The following CCDC171 variants were observed in gnomAD, a reference collection of about 807,000 sequenced individuals.
The protein encoded by CCDC171 is coiled-coil domain containing 171, also known as coiled-coil domain-containing protein 171.
CCDC171 carries 177 observed loss-of-function variants against 168.2 expected under a neutral mutation model. The observed-to-expected ratio is 1.05, with a 90% confidence interval of 0.93 to 1.19. The LOEUF is 1.19. CCDC171 is among the 50% of genes most tolerant of loss of function. The probability of loss-of-function intolerance (pLI) is 0.00; values close to 1 mark genes in which losing one functional copy is unlikely to be tolerated. For synonymous variants in CCDC171, 687 were observed against 540.8 expected, an observed-to-expected ratio of 1.27 and a Z score of -3.75; for missense variants, 1,991 against 1,539.0, an observed-to-expected ratio of 1.29 and a Z score of -4.91.
chr9:15,651,274 A>C (rs1026375561), intron 7 of CCDC171, among the ~76,000 whole-genome samples: 1 of 151,832 alleles, frequency 6.6e-6, no homozygotes. Context: ...ACACCTAGCT[A>C]ATTTTTGTAT....
chr9:15,639,347 C>T (rs1227949949), intron 7 of CCDC171, among the ~76,000 whole-genome samples: 2 of 151,924 alleles, frequency 1.3e-5, no homozygotes, highest in Non-Finnish European at 2.9e-5. Context: ...ATTGGAACTT[C>T]AGTTAAAAAT....
chr9:15,614,669 T>TC (rs2043955180), intron 6 of CCDC171, among the ~76,000 whole-genome samples: 1 of 152,188 alleles, frequency 6.6e-6, no homozygotes, highest in African/African-American at 2.4e-5. Context: ...AGGTTGCCCC[T>TC]CCCCCTTTAA....
chr9:15,881,829 G>A (rs1291613820), intron 24 of CCDC171, among the ~76,000 whole-genome samples: 4 of 152,040 alleles, frequency 2.6e-5, no homozygotes, highest in South Asian at 4.1e-4. Context: ...TATCTATATC[G>A]CATTTTCTTT....
chr9:15,832,572 C>A (rs1588738639), intron 21 of CCDC171, among the ~76,000 whole-genome samples: 1 of 152,060 alleles, frequency 6.6e-6, no homozygotes, highest in Non-Finnish European at 1.5e-5. Context: ...AGAAAAAATA[C>A]AATAGAAATA....
chr9:15,882,744 C>T (rs756147170), intron 24 of CCDC171, among the ~76,000 whole-genome samples: 26 of 151,768 alleles, frequency 1.7e-4, no homozygotes, highest in Admixed American at 6.6e-5. Context: ...ATTAGCTTTG[C>T]GTATCAGCTA....
intron 11 of CCDC171, among the ~76,000 whole-genome samples, chr9:15,715,006 A>T (rs2052973119): frequency 6.6e-6 from 1 of 152,168 alleles, no homozygotes; most frequent in Admixed American, 6.6e-5. Flanking sequence ...AATTGCTACC[A>T]TTTGGTCTCT....
intron 1 of CCDC171, among the ~76,000 whole-genome samples, chr9:16,044,277 G>T (rs888314174): frequency 5.9e-5 from 9 of 152,088 alleles, no homozygotes; most frequent in African/African-American, 9.7e-5. Flanking sequence ...TTTTTAACTT[G>T]GCAGAATGAC....
intron 3 of CCDC171, among the ~76,000 whole-genome samples, chr9:16,017,614 C>T (rs981480559): frequency 2.0e-5 from 3 of 152,132 alleles, no homozygotes; most frequent in African/African-American, 7.2e-5. Context: ...ATTTGTTTTT[C>T]AACTTGCAGT....
intron 7 of CCDC171, among the ~76,000 whole-genome samples, chr9:15,633,616 C>T (rs1166594554): frequency 6.6e-6 from 1 of 152,090 alleles, no homozygotes; most frequent in African/African-American, 2.4e-5. Flanking sequence ...GTCAGTGTGG[C>T]GATTCCTCAG....
chr9:16,024,024 T>TGATGAG (rs1262443339), intron 6 of CCDC171, among the ~76,000 whole-genome samples: 1 of 151,832 alleles, frequency 6.6e-6, no homozygotes, highest in African/African-American at 2.4e-5. Context: ...GAAAAAGTTG[T>TGATGAG]GATGAGGGAA....
downstream of CCDC171, among the ~76,000 whole-genome samples, chr9:15,978,287 G>C (rs1206960204): frequency 6.6e-6 from 1 of 152,218 alleles, no homozygotes; most frequent in African/African-American, 2.4e-5. Context: ...CTATGAAGCA[G>C]AGTTCTCATT....
At chr9:15,999,356 T>G (rs1589311793) in intron 3 of CCDC171, among the ~76,000 whole-genome samples, 2 of 105,394 alleles carry the variant, frequency 1.9e-5, no homozygotes, top group East Asian at 3.0e-4. Flanking sequence ...GAAGGAAGGG[T>G]GAGCAAGCAG....
intron 21 of CCDC171, among the ~76,000 whole-genome samples, chr9:15,792,118 A>G (rs13300804): frequency 6.6e-6 from 1 of 152,230 alleles, no homozygotes; most frequent in South Asian, 2.1e-4. Flanking sequence ...CAATGCAGAG[A>G]AGTCCTTAAA....
At chr9:15,815,052 A>C (rs1379388949) in intron 21 of CCDC171, among the ~76,000 whole-genome samples, 2 of 152,318 alleles carry the variant, frequency 1.3e-5, no homozygotes, top group South Asian at 2.1e-4. Flanking sequence ...ATAAAGATTT[A>C]TTCACAGTAA....
chr9:16,004,280 T>G (rs1832637908), intron 3 of CCDC171, among the ~76,000 whole-genome samples: 1 of 152,126 alleles, frequency 6.6e-6, no homozygotes, highest in Admixed American at 6.5e-5. Flanking sequence ...AAATGGAGAT[T>G]TTAACTAGTG....
chr9:15,947,210 A>G (rs982671055), intron 25 of CCDC171, among the ~76,000 whole-genome samples: 1 of 152,018 alleles, frequency 6.6e-6, no homozygotes, highest in African/African-American at 2.4e-5. Context: ...CATATATATC[A>G]TAGAAATTCT....
At chr9:15,641,040 G>C (rs1036455511) in intron 7 of CCDC171, among the ~76,000 whole-genome samples, 1 of 151,834 alleles carries the variant, frequency 6.6e-6, no homozygotes, top group African/African-American at 2.4e-5. Context: ...AATAAGCATC[G>C]TAGAATTAAT....
intron 6 of CCDC171, among the ~76,000 whole-genome samples, chr9:15,595,207 T>C (rs981087132): frequency 6.6e-6 from 1 of 152,082 alleles, no homozygotes; most frequent in African/African-American, 2.4e-5. Flanking sequence ...TGCAGGTTTG[T>C]TTCATATGTA....
At chr9:15,846,046 G>A (rs1406524838) in intron 21 of CCDC171, among the ~76,000 whole-genome samples, 1 of 152,078 alleles carries the variant, frequency 6.6e-6, no homozygotes, top group Non-Finnish European at 1.5e-5. Flanking sequence ...AAATAATTCT[G>A]AATGCAAGTA....
Sources: gnomAD v4.1 joint callset for allele counts (sites outside exome capture counted in the v4.1 genomes callset) on GRCh38, gnomAD v4.1.1 for gene constraint, MANE v1.5 for transcripts, NCBI Gene and HGNC (gene_info 2026-07-23, HGNC 2026-07-21) for gene names.